CCDC7: variants seen among roughly 807,000 people sequenced by gnomAD.
The protein encoded by CCDC7 is coiled-coil domain containing 7.
A neutral mutation model predicts 196.9 loss-of-function variants in CCDC7; 183 were observed. That is an observed-to-expected ratio of 0.93 (90% CI 0.82 to 1.05). The LOEUF (loss-of-function observed/expected upper bound fraction) is 1.05, where lower values mean the gene tolerates loss of function less well. CCDC7 is among the 50% of genes least tolerant of loss of function. CCDC7 has a pLI of 0.00. For synonymous variants in CCDC7, 525 were observed against 484.6 expected, an observed-to-expected ratio of 1.08 and a Z score of -1.10; for missense variants, 1,540 against 1,482.2, an observed-to-expected ratio of 1.04 and a Z score of -0.64.
At chr10:32,481,395 G>C (rs1433261238) in intron 8 of CCDC7, among the ~76,000 whole-genome samples, 2 of 151,866 alleles carry the variant, frequency 1.3e-5, no homozygotes, top group Admixed American at 6.6e-5. Context: ...TTCCCTGTTT[G>C]CTATCTTCCT....
chr10:32,451,958 C>A, intron 1 of CCDC7, 37 bp downstream of exon 2: 1 of 1,576,476 alleles, frequency 6.3e-7, no homozygotes. Context: ...GCAGGGCCCC[C>A]ATGATCACCC....
At chr10:32,865,002 AAGTATAAAGC>A (rs2094149979) in intron 41 of CCDC7, among the ~76,000 whole-genome samples, 1 of 151,904 alleles carries the variant, frequency 6.6e-6, no homozygotes, top group Non-Finnish European at 1.5e-5. Flanking sequence ...TTAAATCCCA[AAGTATAAAGC>A]ACCTTAAAGC....
chr10:32,496,939 T>G (rs989849266), intron 9 of CCDC7, among the ~76,000 whole-genome samples: 3 of 152,186 alleles, frequency 2.0e-5, no homozygotes, highest in African/African-American at 4.8e-5. Flanking sequence ...TCTTTTTCTA[T>G]TGTTTGGAAT....
chr10:32,598,325 T>C (rs2060633527), intron 18 of CCDC7, among the ~76,000 whole-genome samples: 1 of 152,192 alleles, frequency 6.6e-6, no homozygotes, highest in African/African-American at 2.4e-5. Context: ...TATAATCTCC[T>C]GGTATGCCAT....
chr10:32,709,650 G>A (rs2080473780), intron 24 of CCDC7, among the ~76,000 whole-genome samples: 1 of 151,984 alleles, frequency 6.6e-6, no homozygotes, highest in South Asian at 2.1e-4. Flanking sequence ...ATGAATCTTC[G>A]CTCACTCACC....
rs558821570 is a variant in CCDC7, at chr10:32,860,162, C to T, written c.4111+5673C>T. ...TGATGAACATCGATGTAAAAATCCT[C>T]GATAAAATACTGGCAAACCGAATCC... On this transcript the variant is annotated intron_variant, in intron 41 of 41. Transcript: ENST00000639629. 9.9e-5 allele frequency among the ~76,000 whole-genome samples: 15 copies of T among 152,240 alleles called. No homozygotes were observed. The South Asian group carries it at 2.7e-3, about 27-fold the overall frequency.
upstream of CCDC7, among the ~76,000 whole-genome samples, chr10:32,448,031 G>A (rs920766205): frequency 6.6e-6 from 1 of 152,108 alleles, no homozygotes; most frequent in African/African-American, 2.4e-5. Context: ...TGGATTTTTA[G>A]TGACAAGTTA....
chr10:32,641,663 T>A (rs1250641818), intron 20 of CCDC7, among the ~76,000 whole-genome samples: 4 of 152,244 alleles, frequency 2.6e-5, no homozygotes, highest in Non-Finnish European at 4.4e-5. Context: ...GTCAAAGTCA[T>A]TCTCCATCCA....
intron 18 of CCDC7, among the ~76,000 whole-genome samples, chr10:32,630,436 GT>G (rs1189561852): frequency 6.6e-6 from 1 of 151,982 alleles, no homozygotes; most frequent in East Asian, 1.9e-4. Flanking sequence ...TTAATATAAG[GT>G]GCTGTTCTCA....
chr10:32,862,349 A>C (rs1461170804), intron 41 of CCDC7, among the ~76,000 whole-genome samples: 1 of 151,714 alleles, frequency 6.6e-6, no homozygotes, highest in Non-Finnish European at 1.5e-5. Context: ...TCTCACTTAT[A>C]AGTGGGAGTT....
chr10:32,461,477 T>C (rs1438754274), intron 3 of CCDC7, among the ~76,000 whole-genome samples: 1 of 152,062 alleles, frequency 6.6e-6, no homozygotes, highest in East Asian at 1.9e-4. Context: ...TCAGTTTCTC[T>C]TGTAATTTCT....
At chr10:32,726,812 C>T (rs1296401486) in exon 26 of CCDC7, 1 of 1,591,932 alleles carries the variant, frequency 6.3e-7, no homozygotes, top group Non-Finnish European at 8.6e-7. Flanking sequence ...AAAATAACTC[C>T]TGGAAGGGAA....
At chr10:32,716,130 A>G (rs2081533260) in intron 25 of CCDC7, among the ~76,000 whole-genome samples, 1 of 152,204 alleles carries the variant, frequency 6.6e-6, no homozygotes, top group Non-Finnish European at 1.5e-5. Context: ...AATGAAGGAA[A>G]AAATGTTAAG....
chr10:32,849,990 GAAT>G (rs2093484599), intron 39 of CCDC7, among the ~76,000 whole-genome samples: 1 of 152,030 alleles, frequency 6.6e-6, no homozygotes, highest in South Asian at 2.1e-4. Flanking sequence ...AAGTGGGGAG[GAAT>G]AATAAAACTG....
intron 16 of CCDC7, among the ~76,000 whole-genome samples, chr10:32,579,715 G>A (rs930777085): frequency 2.0e-5 from 3 of 152,096 alleles, no homozygotes; most frequent in African/African-American, 7.2e-5. Context: ...AGATTATGGT[G>A]TCCCGTAATT....
intron 9 of CCDC7, among the ~76,000 whole-genome samples, chr10:32,500,168 G>C (rs12258990): frequency 3.9e-5 from 6 of 152,094 alleles, no homozygotes; most frequent in Non-Finnish European, 7.4e-5. Context: ...CCACTTCCCA[G>C]ACGGGGCGGC....
chr10:32,576,264 T>C (rs1349306205), intron 16 of CCDC7, among the ~76,000 whole-genome samples: 1 of 151,122 alleles, frequency 6.6e-6, no homozygotes, highest in Non-Finnish European at 1.5e-5. Flanking sequence ...AGCAATATGT[T>C]GTGTGTTCCC....
chr10:32,609,466 A>G (rs1358523406), intron 18 of CCDC7, among the ~76,000 whole-genome samples: 1 of 152,070 alleles, frequency 6.6e-6, no homozygotes, highest in Non-Finnish European at 1.5e-5. Context: ...GAATTTTTAA[A>G]TTCTATCCTT....
intron 9 of CCDC7, among the ~76,000 whole-genome samples, chr10:32,506,681 A>G (rs2947090): frequency 0.92 from 140,666 of 152,152 alleles, 65,979 homozygotes; most frequent in East Asian, 1. Flanking sequence ...GCGAAACCCC[A>G]TCTCCACCAA....
Sources: gnomAD v4.1 joint callset for allele counts (sites outside exome capture counted in the v4.1 genomes callset) on GRCh38, gnomAD v4.1.1 for gene constraint, MANE v1.5 for transcripts, NCBI Gene and HGNC (gene_info 2026-07-23, HGNC 2026-07-21) for gene names.